ZFHX3: variants seen among roughly 807,000 people sequenced by gnomAD.
ZFHX3 encodes zinc finger homeobox protein 3.
A neutral mutation model predicts 279.1 loss-of-function variants in ZFHX3; 42 were observed. The observed-to-expected ratio is 0.15, with a 90% CI of 0.12 to 0.19. The LOEUF is 0.19. ZFHX3 is among the 10% of genes least tolerant of loss of function. The pLI is 1.00. For missense variants in ZFHX3, 4,981 were observed against 4,754.0 expected (o/e 1.05, Z -1.40); for synonymous variants, 2,293 against 1,957.8 (o/e 1.17, Z -4.52).
chr16:73,775,845 C>T (rs1959230400), intron 1 of ZFHX3, among the ~76,000 whole-genome samples: 1 of 152,152 alleles, frequency 6.6e-6, no homozygotes, highest in Non-Finnish European at 1.5e-5. Context: ...CAGTAGAACC[C>T]TGCTCCTCTC....
chr16:73,420,657 A>G (rs1377445327), intron 3 of ZFHX3: 1 of 152,108 alleles, frequency 6.6e-6, no homozygotes, highest in East Asian at 1.9e-4. Context: ...TTTATTTCAG[A>G]TTTTTGATGA....
exon 6 of ZFHX3, chr16:73,143,806 G>T: frequency 7.7e-7 from 1 of 1,304,192 alleles, no homozygotes; most frequent in Non-Finnish European, 1.0e-6. Flanking sequence ...CTAGACTTCT[G>T]GGGGTTGTAA....
chr16:73,702,887 A>G (rs1246404217), intron 1 of ZFHX3, among the ~76,000 whole-genome samples: 1 of 152,132 alleles, frequency 6.6e-6, no homozygotes, highest in Admixed American at 6.5e-5. Flanking sequence ...CCTTGTTTCC[A>G]CCAAAAAATT....
chr16:73,731,515 C>T (rs1195016122), intron 1 of ZFHX3, among the ~76,000 whole-genome samples: 1 of 151,412 alleles, frequency 6.6e-6, no homozygotes, highest in Non-Finnish European at 1.5e-5. Context: ...TTAATAATCA[C>T]CTGCAAAGTG....
At position 73,293,911 on chromosome 16, in the gene ZFHX3, C is replaced by T. The variant is rs137859942; in HGVS notation, c.-1194+24329G>A. The T allele has an allele frequency of 2.0e-5, 3 of 147,152 alleles. No homozygotes were observed. In the South Asian group the frequency reaches 6.5e-4, roughly 32 times the overall value. 9.1% of individuals were successfully genotyped at this position (147,152 alleles called of 1,614,324 possible). A position where few individuals can be genotyped will look rare whatever the true frequency, so the allele number is the denominator to read the frequency against. ...AACTTCCATTGTACATTTGTTTCAT[C>T]CGTTTTACTTTGATCAGATTCAACG... On this transcript the variant is annotated intron_variant, in intron 4 of 17. Coordinates refer to the ZFHX3 transcript ENST00000641206.
At position 72,828,756 on chromosome 16, in the gene ZFHX3, G is replaced by A. The variant is rs768580863; in HGVS notation, c.3529+1023C>T. ...ATTTTTTGGTCACCCAGGCTGGAGT[G>A]TTATGGCATGATCTTAGCTCACTGC... On this transcript the variant is annotated intron_variant, in intron 5 of 9. Coordinates refer to ENST00000268489, the MANE Select transcript of ZFHX3 (RefSeq NM_006885.4). Among the ~76,000 whole-genome samples, 9 of 152,130 alleles carry A rather than the reference G, an allele frequency of 5.9e-5. No individual in the cohort carries two copies. The South Asian group carries it at 8.3e-4, about 14-fold the overall frequency.
chr16:73,548,689 G>A (rs1014902034), intron 2 of ZFHX3, among the ~76,000 whole-genome samples: 3 of 151,620 alleles, frequency 2.0e-5, no homozygotes, highest in South Asian at 2.1e-4. Context: ...TATATACAAC[G>A]TATTCACTCC....
rs1555543115 is a variant in ZFHX3, at chr16:73,026,689, A to AAAAAAAAC, written c.-50+21062_-50+21063insGTTTTTTT. 3.3e-3 allele frequency among the ~76,000 whole-genome samples: 502 copies of AAAAAAAAC among 150,768 alleles called. 8 individuals carry two copies. The highest frequency in any genetic ancestry group is 0.012 in the African/African-American group (488 of 40,360). ...AAACTGCCTCAAAAAAAAAAAAAAA[A>AAAAAAAAC]AAAAAACACATAGTAAAGGGTCTGC... On this transcript the variant is annotated intron_variant, in intron 1 of 9. Coordinates refer to ENST00000268489, the MANE Select transcript of ZFHX3 (RefSeq NM_006885.4).
chr16:73,525,039 G>A (rs114188585), intron 2 of ZFHX3, among the ~76,000 whole-genome samples: 2 of 152,160 alleles, frequency 1.3e-5, no homozygotes, highest in African/African-American at 4.8e-5. Flanking sequence ...ATGCCGTAAA[G>A]ACACAAGGAA....
chr16:73,730,157 A>G (rs2053556494), intron 1 of ZFHX3, among the ~76,000 whole-genome samples: 1 of 152,094 alleles, frequency 6.6e-6, no homozygotes, highest in Non-Finnish European at 1.5e-5. Flanking sequence ...GACTCTCCAC[A>G]ATCAATGTGT....
At chr16:73,743,218 G>A (rs2053674645) in intron 1 of ZFHX3, among the ~76,000 whole-genome samples, 1 of 152,116 alleles carries the variant, frequency 6.6e-6, no homozygotes, top group Admixed American at 6.6e-5. Flanking sequence ...ACTCTTGCTT[G>A]CAAATACGAC....
At chr16:73,117,941 CA>C (rs1439544794) in intron 7 of ZFHX3, among the ~76,000 whole-genome samples, 4 of 152,220 alleles carry the variant, frequency 2.6e-5, no homozygotes, top group African/African-American at 7.2e-5. Flanking sequence ...TCCCAGCCTC[CA>C]GAACCATGTG....
chr16:73,867,104 C>T (rs762970398), intron 1 of ZFHX3, among the ~76,000 whole-genome samples: 1 of 152,076 alleles, frequency 6.6e-6, no homozygotes, highest in Non-Finnish European at 1.5e-5. Context: ...CTGGAACTGC[C>T]CCACCTCAAC....
intron 5 of ZFHX3, among the ~76,000 whole-genome samples, chr16:73,155,556 C>T (rs529981579): frequency 7.4e-4 from 112 of 152,334 alleles, no homozygotes; most frequent in African/African-American, 2.6e-3. Flanking sequence ...GACACAGTGG[C>T]TCATGCCTAT....
intron 1 of ZFHX3, among the ~76,000 whole-genome samples, chr16:73,030,899 T>C (rs1163004276): frequency 6.6e-6 from 1 of 152,166 alleles, no homozygotes; most frequent in African/African-American, 2.4e-5. Context: ...TTGTTTTGTG[T>C]TGTGTCTTAG....
chr16:72,855,323 G>A (rs532012667), intron 4 of ZFHX3, among the ~76,000 whole-genome samples: 350 of 152,326 alleles, frequency 2.3e-3, no homozygotes, highest in African/African-American at 7.2e-3. Flanking sequence ...GCGCGTGCAC[G>A]CGTGTGAAAC....
At chr16:73,358,722 C>T (rs560443267) in intron 3 of ZFHX3, among the ~76,000 whole-genome samples, 1 of 152,350 alleles carries the variant, frequency 6.6e-6, no homozygotes, top group African/African-American at 2.4e-5. Flanking sequence ...CAGATATGGA[C>T]TGTAAAACAA....
intron 2 of ZFHX3, among the ~76,000 whole-genome samples, chr16:73,458,784 TTGTC>T (rs1214651350): frequency 6.6e-6 from 1 of 152,198 alleles, no homozygotes; most frequent in Non-Finnish European, 1.5e-5. Context: ...TGATTTCCGA[TTGTC>T]TGCTCTGTAA....
chr16:73,427,272 G>T (rs935353325), intron 3 of ZFHX3, among the ~76,000 whole-genome samples: 5 of 152,104 alleles, frequency 3.3e-5, no homozygotes, highest in African/African-American at 1.2e-4. Flanking sequence ...TTTGTGAGTG[G>T]TAAGGTCATG....
Sources: allele counts gnomAD v4.1 joint callset (sites outside exome capture counted in the v4.1 genomes callset), GRCh38; gene constraint gnomAD v4.1.1; transcripts MANE v1.5; gene names NCBI Gene and HGNC (gene_info 2026-07-23, HGNC 2026-07-21).